Variants in CRAT observed in about 807,000 individuals in gnomAD.
CRAT encodes carnitine O-acetyltransferase, also known as carnitine acetylase.
Under a neutral mutation model 73.7 loss-of-function variants are expected in CRAT, and 66 were observed. That is an observed-to-expected ratio of 0.90 (90% CI 0.73 to 1.10). CRAT has a LOEUF of 1.10. Ranked by LOEUF, CRAT falls within the 50% of genes least tolerant of loss-of-function variation. The pLI is 0.00. For missense variants in CRAT, 745 were observed against 846.9 expected, an observed-to-expected ratio of 0.88 and a Z score of 1.49; for synonymous variants, 321 against 343.2, an observed-to-expected ratio of 0.94 and a Z score of 0.71.
Position 129,107,443 on chromosome 9 carries a change from C to T in CRAT, c.291+371G>A. 4 of 595,806 alleles carry T rather than the reference C, an allele frequency of 6.7e-6. 1 individual carries two copies. The highest frequency in any genetic ancestry group is 1.2e-5 in the Non-Finnish European group (4 of 333,228). 36.9% of individuals were successfully genotyped at this position (595,806 alleles called of 1,614,324 possible). A position where few individuals can be genotyped will look rare whatever the true frequency, so the allele number is the denominator to read the frequency against. On this transcript the variant is annotated intron_variant, in intron 2 of 13. Transcript: ENST00000318080. The surrounding 1 kb of genome is among the most constrained non-coding windows in gnomAD (Gnocchi z 5.0). ...GTACACCTGTGTCATAGATCAGATACAGAACCTGGGCGATCGGTCACTGAG... is the reference window on the plus strand; with the variant it reads ...GTACACCTGTGTCATAGATCAGATATAGAACCTGGGCGATCGGTCACTGAG...
Position 129,095,511 on chromosome 9 carries a change from CAG to C in CRAT, c.1765_1766del (p.Leu589ValfsTer41), listed in dbSNP as rs759399050. 23 of 1,613,532 alleles carry C rather than the reference CAG, an allele frequency of 1.4e-5. No individual in the cohort carries two copies. The highest frequency in any genetic ancestry group is 4.0e-5 in the African/African-American group (3 of 75,050). On this transcript the variant is annotated frameshift_variant, in exon 14 of 14. Coordinates refer to ENST00000318080, the MANE Select transcript of CRAT (RefSeq NM_000755.5). LOFTEE classifies it high-confidence loss of function. ...TCTCCGCGCAGCTGTTGTAGGCCGA[CAG>C]GGAGAAGTTGATGTGGGCCTCCATG... ...NPMEAHINFS[L>X]SAYNSCAETN...
intron 2 of CRAT, among the ~76,000 whole-genome samples, chr9:129,105,008 C>G (rs1847927907): frequency 6.7e-6 from 1 of 149,684 alleles, no homozygotes; most frequent in African/African-American, 2.5e-5. Flanking sequence ...TCACGCCATT[C>G]TCCTGCCTCA....
chr9:129,095,905 T>C, intron 13 of CRAT, 93 bp downstream of exon 13: 2 of 1,538,038 alleles, frequency 1.3e-6, no homozygotes, highest in Admixed American at 1.7e-5. Flanking sequence ...TCAGCTGTGT[T>C]GGCAATGGGT....
At chr9:129,098,768 T>A in intron 8 of CRAT, 118 bp from the exon 9 acceptor site, 1 of 1,287,802 alleles carries the variant, frequency 7.8e-7, no homozygotes, top group Non-Finnish European at 1.0e-6. Flanking sequence ...CAGGGAGGTG[T>A]GAGTTTGTTC....
At chr9:129,104,769 T>C (rs1847901714) in intron 2 of CRAT, among the ~76,000 whole-genome samples, 1 of 150,966 alleles carries the variant, frequency 6.6e-6, no homozygotes, top group South Asian at 2.1e-4. Context: ...CACACCTGGC[T>C]ATTTTTTTGT....
At chr9:129,108,497 A>G (rs1423388932) in intron 1 of CRAT, 1 of 1,156,764 alleles carries the variant, frequency 8.6e-7, no homozygotes, top group Non-Finnish European at 1.1e-6. Flanking sequence ...GTTGAGAAAC[A>G]GAAGGGAAGA....
Position 129,103,648 on chromosome 9 carries a change from C to T in CRAT, c.410+540G>A, listed in dbSNP as rs968286414. ...ACCATGGGGACCAGTGGCTGGAGTT[C>T]CTGGGCCTGAACCCCGGCCCTTCCC... On this transcript the variant is annotated intron_variant, in intron 3 of 13. Coordinates refer to ENST00000318080, the MANE Select transcript of CRAT (RefSeq NM_000755.5). This position sits in a 1 kb window ranked among gnomAD's most constrained non-coding sequence, Gnocchi z 4.6. Among the ~76,000 whole-genome samples, 40 of 152,152 alleles carry T rather than the reference C, an allele frequency of 2.6e-4. 1 individual carries two copies. The highest frequency in any genetic ancestry group is 2.6e-3 in the Admixed American group (40 of 15,282).
intron 4 of CRAT, 93 bp from the exon 5 acceptor site, chr9:129,102,658 T>G: frequency 7.2e-7 from 1 of 1,398,220 alleles, no homozygotes; most frequent in East Asian, 2.3e-5. Context: ...TGCTGGGGGC[T>G]CACACAGTGT....
At chr9:129,096,254 CAG>C in intron 12 of CRAT, 119 bp from the exon 13 acceptor site, 1 of 1,301,046 alleles carries the variant, frequency 7.7e-7, no homozygotes, top group Non-Finnish European at 1.1e-6. Flanking sequence ...ACCACAAGAC[CAG>C]AGTATTCTGG....
Position 129,103,151 on chromosome 9 carries a change from G to T in CRAT, c.411-85C>A. 1 of 1,186,662 alleles carries T rather than the reference G, an allele frequency of 8.4e-7. No homozygotes were observed. The highest frequency in any genetic ancestry group is 1.3e-6 in the Non-Finnish European group (1 of 791,524). 73.5% of individuals were successfully genotyped at this position (1,186,662 alleles called of 1,614,324 possible). ...AGGGACACCTGCTTGGGGAGCGGGA[G>T]GTCTAGTCTTCCAGCCTCTCTCACC... On this transcript the variant is annotated intron_variant, in intron 3 of 13. Coordinates refer to ENST00000318080, the MANE Select transcript of CRAT (RefSeq NM_000755.5). The surrounding 1 kb of genome is among the most constrained non-coding windows in gnomAD (Gnocchi z 4.6).
intron 8 of CRAT, among the ~76,000 whole-genome samples, chr9:129,099,650 G>A (rs1847534154): frequency 6.6e-6 from 1 of 151,218 alleles, no homozygotes; most frequent in African/African-American, 2.4e-5. Flanking sequence ...TGGCCAGGCT[G>A]ATCTCAAACT....
chr9:129,104,073 A>G, intron 3 of CRAT, 115 bp downstream of exon 3: 1 of 671,882 alleles, frequency 1.5e-6, no homozygotes. Context: ...TCCCTACTTC[A>G]TAAGGCTGCT....
At position 129,110,364 on chromosome 9, in the gene CRAT, C is replaced by G. The variant is rs1021111125; in HGVS notation, c.27+119G>C. On this transcript the variant is annotated intron_variant, in intron 1 of 13. Coordinates refer to ENST00000318080, the MANE Select transcript of CRAT (RefSeq NM_000755.5). This position sits in a 1 kb window ranked among gnomAD's most constrained non-coding sequence, Gnocchi z 5.3. ...CCTGGGACGCCCGCCTGACCCCACC[C>G]CATCAGCTGGAGGCCGGGTCGAACA... 1.4e-5 allele frequency: 15 copies of G among 1,065,580 alleles called. No homozygotes were observed. The highest frequency in any genetic ancestry group is 1.9e-5 in the Non-Finnish European group (15 of 777,276). 66.0% of individuals were successfully genotyped at this position (1,065,580 alleles called of 1,614,324 possible).
rs1847204509 is a variant in CRAT at position 129,095,297 on chromosome 9, A to T, written c.*100T>A. The T allele has an allele frequency of 8.6e-6, 11 of 1,286,172 alleles. No individual in the cohort carries two copies. The South Asian group carries it at 1.3e-4, about 15-fold the overall frequency. The allele number at this position is 1,286,172 out of a possible 1,614,324, so 79.7% of individuals were successfully genotyped here. ...AGTAGATTTGGGGGGACCAGGGAAG[A>T]GGGAACCAAGGAAGAGGGAACCAAG... On this transcript the variant is annotated 3_prime_UTR_variant, in exon 14 of 14. Transcript: ENST00000318080.
At chr9:129,108,171 C>T in intron 1 of CRAT, 94 bp from the exon 2 acceptor site, 3 of 1,434,490 alleles carry the variant, frequency 2.1e-6, no homozygotes, top group South Asian at 1.5e-5. Flanking sequence ...GTGCCCATCC[C>T]TGGGGGCAGA....
chr9:129,103,913 T>C lies in CRAT; in HGVS notation c.410+275A>G, dbSNP rs1003178307. On this transcript the variant is annotated intron_variant, in intron 3 of 13. Coordinates refer to ENST00000318080, the MANE Select transcript of CRAT (RefSeq NM_000755.5). The surrounding 1 kb of genome is among the most constrained non-coding windows in gnomAD (Gnocchi z 4.6). ...TGGGGTCGGGGAGAAGCCTCAGGTATGGAGGAGGATGGGGCCTCTGCGAAG... is the reference window on the plus strand; with the variant it reads ...TGGGGTCGGGGAGAAGCCTCAGGTACGGAGGAGGATGGGGCCTCTGCGAAG... Among the ~76,000 whole-genome samples, 1 of 152,094 alleles carries C rather than the reference T, an allele frequency of 6.6e-6. No individual in the cohort carries two copies. The highest frequency in any genetic ancestry group is 2.4e-5 in the African/African-American group (1 of 41,406).
At chr9:129,095,699 C>G (rs1847241158) in intron 13 of CRAT, 87 bp from the exon 14 acceptor site, 10 of 1,361,258 alleles carry the variant, frequency 7.3e-6, no homozygotes, top group Non-Finnish European at 1.0e-5. Context: ...GCCAAGACTG[C>G]AGGCCCCTTG....
At chr9:129,101,589 C>T (rs768259978) in intron 6 of CRAT, among the ~76,000 whole-genome samples, 3 of 152,242 alleles carry the variant, frequency 2.0e-5, no homozygotes, top group Admixed American at 1.3e-4. Flanking sequence ...ACTGCTATTG[C>T]TATAGATTAT....
chr9:129,102,468 C>T lies in CRAT; in HGVS notation c.562G>A (p.Asp188Asn), dbSNP rs1282358096. The T allele has an allele frequency of 6.2e-7, 1 of 1,614,172 alleles. No individual in the cohort carries two copies. The highest frequency in any genetic ancestry group is 1.7e-5 in the Admixed American group (1 of 60,028). Residue 188 changes from aspartate (D) to asparagine (N), a missense_variant, in exon 5 of 14, where the codon GAC becomes AAC. Physicochemically the swap from Asp to Asn is conservative, Grantham distance 23. Coordinates refer to ENST00000318080, the MANE Select transcript of CRAT (RefSeq NM_000755.5). ...GTCTTGCTGAAGTTGCTGACTGTGTCCTGCTTGGGGCCCGGCACTCGGCAG... is the reference window on the plus strand; with the variant it reads ...GTCTTGCTGAAGTTGCTGACTGTGTTCTGCTTGGGGCCCGGCACTCGGCAG... ...SSCRVPGPKQ[D>N]TVSNFSKTKK...
Sources: gnomAD v4.1 joint callset for allele counts (sites outside exome capture counted in the v4.1 genomes callset) on GRCh38, gnomAD v4.1.1 for gene constraint, Gnocchi (gnomAD v3.1) non-coding constraint, MANE v1.5 for transcripts, NCBI Gene and HGNC (gene_info 2026-07-23, HGNC 2026-07-21) for gene names.